The following EPHX2 variants were observed in gnomAD, a reference collection of about 807,000 sequenced individuals.
The protein encoded by EPHX2 is bifunctional epoxide hydrolase 2.
A neutral mutation model predicts 78.7 loss-of-function variants in EPHX2; 74 were observed. That is an observed-to-expected ratio of 0.94 (90% CI 0.78 to 1.14). The LOEUF (loss-of-function observed/expected upper bound fraction) is 1.14. EPHX2 is among the 50% of genes most tolerant of loss of function. The pLI is 0.00. For synonymous variants in EPHX2, 251 were observed against 255.2 expected (o/e 0.98, Z 0.16); for missense variants, 715 against 702.5 (o/e 1.02, Z -0.20).
At position 27,544,251 on chromosome 8, in the gene EPHX2, A is replaced by T; in HGVS notation, c.1589+7A>T. On this transcript the variant is annotated splice_region_variant and intron_variant, in intron 18 of 18. Transcript: ENST00000521400. ...ACTGGACACAGATGGACAAGTAAGG[A>T]GGTTGGGGGCTCCTGGGGTCGGGGA... 6.2e-7 allele frequency: 1 copy of T among 1,614,074 alleles called. No homozygotes were observed. Among genetic ancestry groups the T allele is most frequent in the South Asian group, 1.1e-5 (1 of 91,082 alleles).
chr8:27,494,039 G>A (rs934987310), intron 1 of EPHX2, among the ~76,000 whole-genome samples: 3 of 152,144 alleles, frequency 2.0e-5, no homozygotes, highest in Admixed American at 2.0e-4. Flanking sequence ...CAGGGAGTAT[G>A]TTTGCCATTA....
intron 1 of EPHX2, among the ~76,000 whole-genome samples, chr8:27,497,778 GAAT>G (rs1376797092): frequency 6.6e-6 from 1 of 152,178 alleles, no homozygotes; most frequent in Non-Finnish European, 1.5e-5. Flanking sequence ...GGACATCATT[GAAT>G]AATTCATGGG....
chr8:27,522,479 C>CATGG lies in EPHX2; in HGVS notation c.1030_1033dup (p.Ala345AspfsTer39). ...ACTGGGGTGGCATGCTGGTGTGGTA[C>CATGG]ATGGCTCTCTTCTACCCCGAGAGAG... On this transcript the variant is annotated frameshift_variant, in exon 11 of 19. Coordinates refer to ENST00000521400, the MANE Select transcript of EPHX2 (RefSeq NM_001979.6). LOFTEE classifies it high-confidence loss of function. The CATGG allele has an allele frequency of 6.2e-7, 1 of 1,614,114 alleles. No individual in the cohort carries two copies. Among genetic ancestry groups the CATGG allele is most frequent in the Non-Finnish European group, 8.5e-7 (1 of 1,180,012 alleles).
chr8:27,530,701 A>C (rs1451845232), intron 12 of EPHX2, among the ~76,000 whole-genome samples: 1 of 152,142 alleles, frequency 6.6e-6, no homozygotes, highest in East Asian at 1.9e-4. Context: ...AGTTTAAAAG[A>C]AAGTGCCACT....
chr8:27,543,615 C>A, intron 16 of EPHX2, 134 bp from the exon 17 acceptor site: 3 of 788,128 alleles, frequency 3.8e-6, no homozygotes, highest in Non-Finnish European at 6.3e-6. Flanking sequence ...GTAATAACCA[C>A]GAGTCTGTTG....
chr8:27,525,364 CG>C lies in EPHX2; in HGVS notation c.1063del (p.Val355TrpfsTer4), dbSNP rs1563355612. ...CTTGCTGCCTCTTATTTCTGTAGGGCGGTGGCCAGTTTGAATACTCCCTTCA... is the reference window on the plus strand; with the variant it reads ...CTTGCTGCCTCTTATTTCTGTAGGGCGTGGCCAGTTTGAATACTCCCTTCA... ...MALFYPERVR[A>X]VASLNTPFIP... is the part of the protein sequence containing the mutation. On this transcript the variant is annotated frameshift_variant, in exon 12 of 19. Coordinates refer to ENST00000521400, the MANE Select transcript of EPHX2 (RefSeq NM_001979.6). LOFTEE classifies it high-confidence loss of function. 1 of 1,613,874 alleles carries C rather than the reference CG, an allele frequency of 6.2e-7. No individual in the cohort carries two copies.
Position 27,504,978 on chromosome 8 carries a change from C to A in EPHX2, c.369C>A (p.Thr123=), listed in dbSNP as rs778807078. ...CAGGATTCACTACTGCCATCCTCAC[C>A]AACACCTGGCTGGACGACCGTGCTG... is the stretch of plus-strand genomic sequence containing the variant. ...RKKGFTTAIL[T]NTWLDDRAER... Residue 123 remains threonine (T), a synonymous_variant, in exon 4 of 19, where the codon ACC becomes ACA. Transcript: ENST00000521400. The A allele has an allele frequency of 2.5e-6, 4 of 1,614,006 alleles. No homozygotes were observed. Among genetic ancestry groups the A allele is most frequent in the Non-Finnish European group, 3.4e-6 (4 of 1,180,024 alleles).
chr8:27,525,499 T>C (rs767093733), intron 12 of EPHX2, 26 bp downstream of exon 12: 2 of 1,571,360 alleles, frequency 1.3e-6, no homozygotes, highest in Non-Finnish European at 1.8e-6. Flanking sequence ...AGGGCAACAA[T>C]GGGAGCATTA....
rs551057206 is a variant in EPHX2, at chr8:27,543,490, A to G, written c.1450-259A>G. The stretch of plus-strand genomic sequence containing the variant: ...GTCTTCTGCCTTCTTGGTGCCATCA[A>G]TTCGGTTCTCCCAGTTACATGCAGC... On this transcript the variant is annotated intron_variant, in intron 16 of 18. Coordinates refer to ENST00000521400, the MANE Select transcript of EPHX2 (RefSeq NM_001979.6). Among the ~76,000 whole-genome samples the G allele has an allele frequency of 2.4e-4, 37 of 152,250 alleles. No individual in the cohort carries two copies. The East Asian group carries it at 5.6e-3, about 23-fold the overall frequency.
intron 1 of EPHX2, among the ~76,000 whole-genome samples, chr8:27,495,042 C>T (rs1280272687): frequency 1.3e-5 from 2 of 152,226 alleles, no homozygotes; most frequent in African/African-American, 4.8e-5. Flanking sequence ...TTTTCTTCTG[C>T]CTTTTCTCCT....
rs532665139 is a variant in EPHX2 at position 27,526,345 on chromosome 8, A to G, written c.1170+872A>G. 6.6e-5 allele frequency among the ~76,000 whole-genome samples: 10 copies of G among 152,314 alleles called. No homozygotes were observed. In the South Asian group the frequency reaches 2.1e-3, roughly 32 times the overall value. On this transcript the variant is annotated intron_variant, in intron 12 of 18. Coordinates refer to ENST00000521400, the MANE Select transcript of EPHX2 (RefSeq NM_001979.6). Reference sequence around the variant, plus strand: ...AGGCAATAACTGGACTCATTCACCAAAAGCTCCCAGCGGCATTTTGAAGAG... The same window carrying G: ...AGGCAATAACTGGACTCATTCACCAGAAGCTCCCAGCGGCATTTTGAAGAG...
At chr8:27,544,409 G>C in intron 18 of EPHX2, 35 bp from the exon 19 acceptor site, 1 of 1,612,620 alleles carries the variant, frequency 6.2e-7, no homozygotes. Context: ...AGTGTGAATG[G>C]CTATTTTTTT....
chr8:27,511,961 C>T, intron 6 of EPHX2, 51 bp downstream of exon 6: 1 of 1,563,804 alleles, frequency 6.4e-7, no homozygotes, highest in Non-Finnish European at 8.8e-7. Flanking sequence ...ACCAGGTCAC[C>T]TAAAACGACC....
At chr8:27,503,448 A>C (rs7837347) in intron 2 of EPHX2, among the ~76,000 whole-genome samples, 156 bp from the exon 3 acceptor site, 7,173 of 152,172 alleles carry the variant, frequency 0.047, 537 homozygotes, top group African/African-American at 0.16. Context: ...ATTTTTGGCC[A>C]TGTCTCTTGG....
intron 16 of EPHX2, among the ~76,000 whole-genome samples, chr8:27,541,950 C>A (rs1464097335): frequency 6.6e-6 from 1 of 151,986 alleles, no homozygotes; most frequent in Non-Finnish European, 1.5e-5. Context: ...GGTTGTGTCA[C>A]CTTGCACAAG....
chr8:27,495,170 ACC>A (rs1200427195), intron 1 of EPHX2, among the ~76,000 whole-genome samples: 10 of 152,230 alleles, frequency 6.6e-5, no homozygotes, highest in Admixed American at 6.5e-5. Flanking sequence ...GAGGTTAGGA[ACC>A]CCCTTTCCAT....
At chr8:27,517,162 T>C (rs1351941632) in intron 8 of EPHX2, among the ~76,000 whole-genome samples, 2 of 152,196 alleles carry the variant, frequency 1.3e-5, no homozygotes, top group African/African-American at 4.8e-5. Context: ...CATGAATTAT[T>C]TCTTTGATAA....
In EPHX2 at chr8:27,506,814, CCT is replaced by C. The variant is rs1192315275; in HGVS notation, c.538-57_538-56del. The C allele has an allele frequency of 3.8e-6, 6 of 1,584,644 alleles. No homozygotes were observed. The African/African-American group carries it at 6.8e-5, about 18-fold the overall frequency. On this transcript the variant is annotated intron_variant, in intron 4 of 18. Transcript: ENST00000521400. ...TTAATCTCCTCATCATAAAATAGCC[CCT>C]GTTTGCATTCTGGTGAGTTTCTTTC...
rs1368088310 is a variant in EPHX2, at chr8:27,544,651, G to GA, written c.*137dup. On this transcript the variant is annotated 3_prime_UTR_variant, in exon 19 of 19. Coordinates refer to ENST00000521400, the MANE Select transcript of EPHX2 (RefSeq NM_001979.6). ...CAGCATTGTTCTGAAGGGGTTTGCA[G>GA]AAAAAAAAGATTTTCTTTACATAAA... 62 of 887,584 alleles carry GA rather than the reference G, an allele frequency of 7.0e-5. No homozygotes were observed. The highest frequency in any genetic ancestry group is 9.2e-5 in the Non-Finnish European group (52 of 565,144). 55.0% of individuals were successfully genotyped at this position (887,584 alleles called of 1,614,324 possible).
Sources: gnomAD v4.1 joint callset for allele counts (sites outside exome capture counted in the v4.1 genomes callset) on GRCh38, gnomAD v4.1.1 for gene constraint, MANE v1.5 for transcripts, NCBI Gene and HGNC (gene_info 2026-07-23, HGNC 2026-07-21) for gene names.